The following IMMP2L variants were observed in gnomAD, a reference collection of about 807,000 sequenced individuals.
IMMP2L encodes inner mitochondrial membrane peptidase subunit 2, also known as mitochondrial inner membrane protease subunit 2.
A neutral mutation model predicts 19.3 loss-of-function variants in IMMP2L; 18 were observed. That is an observed-to-expected ratio of 0.93 (90% CI 0.64 to 1.38). The LOEUF (loss-of-function observed/expected upper bound fraction) is 1.38. Among genes scored for constraint, IMMP2L ranks in the 40% most tolerant of loss-of-function variants. The pLI is 0.00. For synonymous variants in IMMP2L, 76 were observed against 73.0 expected (o/e 1.04, Z -0.21); for missense variants, 233 against 218.2 (o/e 1.07, Z -0.43).
intron 5 of IMMP2L, among the ~76,000 whole-genome samples, chr7:110,852,106 A>T (rs916933406): frequency 1.3e-5 from 2 of 152,128 alleles, no homozygotes; most frequent in East Asian, 3.9e-4. Context: ...TTTGGTGAGG[A>T]AACTATTATA....
chr7:111,008,712 C>A (rs1402513342), intron 3 of IMMP2L, among the ~76,000 whole-genome samples: 2 of 151,894 alleles, frequency 1.3e-5, no homozygotes, highest in Admixed American at 1.3e-4. Flanking sequence ...ACTGCTGTAT[C>A]CTCAGTGCCT....
chr7:111,139,206 G>GA (rs149787146), intron 3 of IMMP2L, among the ~76,000 whole-genome samples: 3,224 of 152,070 alleles, frequency 0.021, 93 homozygotes, highest in African/African-American at 0.07. Flanking sequence ...GCTAACAAAA[G>GA]ATCTAAATTA....
intron 4 of IMMP2L, among the ~76,000 whole-genome samples, chr7:110,930,730 G>A (rs1372244468): frequency 6.6e-6 from 1 of 152,102 alleles, no homozygotes; most frequent in Non-Finnish European, 1.5e-5. Flanking sequence ...AACCATACTG[G>A]AGTTATCATA....
chr7:111,240,436 G>C (rs139409513), intron 3 of IMMP2L, among the ~76,000 whole-genome samples: 50 of 152,070 alleles, frequency 3.3e-4, no homozygotes, highest in Non-Finnish European at 6.0e-4. Context: ...AATTTTTAAA[G>C]GAAGAACAGA....
At chr7:111,207,177 A>G (rs1259392271) in intron 3 of IMMP2L, among the ~76,000 whole-genome samples, 1 of 152,184 alleles carries the variant, frequency 6.6e-6, no homozygotes, top group Non-Finnish European at 1.5e-5. Context: ...TTATCAATAG[A>G]ATATACCTTG....
intron 3 of IMMP2L, among the ~76,000 whole-genome samples, chr7:111,022,623 T>C (rs1321378167): frequency 6.6e-6 from 1 of 152,092 alleles, no homozygotes; most frequent in Non-Finnish European, 1.5e-5. Flanking sequence ...AATGTTGGAA[T>C]AAAAACAAAA....
Position 111,426,482 on chromosome 7 carries a change from G to C in IMMP2L, c.239+60756C>G, listed in dbSNP as rs1036780500. ...ATTCTCTAAAGTCTTGAAATCCCAA[G>C]AGTGCATACTCAGGGATTAGAAAGG... On this transcript the variant is annotated intron_variant, in intron 3 of 5. Transcript: ENST00000405709. Among the ~76,000 whole-genome samples the C allele has an allele frequency of 2.6e-5, 4 of 151,058 alleles. No homozygotes were observed. In the East Asian group the frequency reaches 7.7e-4, roughly 29 times the overall value.
At chr7:111,501,105 A>G (rs1337943214) in intron 2 of IMMP2L, among the ~76,000 whole-genome samples, 1 of 151,908 alleles carries the variant, frequency 6.6e-6, no homozygotes, top group African/African-American at 2.4e-5. Context: ...TACCTAGAAT[A>G]ACCAATGCAG....
chr7:110,864,839 A>G (rs1807820519), intron 5 of IMMP2L, among the ~76,000 whole-genome samples: 1 of 152,042 alleles, frequency 6.6e-6, no homozygotes, highest in Admixed American at 6.6e-5. Flanking sequence ...GGATTCCAAA[A>G]ACTATGATAA....
At chr7:111,380,747 T>G (rs905836665) in intron 3 of IMMP2L, among the ~76,000 whole-genome samples, 2 of 152,004 alleles carry the variant, frequency 1.3e-5, no homozygotes, top group Non-Finnish European at 2.9e-5. Flanking sequence ...GCACTAAAAC[T>G]AGTCTAAAAT....
intron 3 of IMMP2L, among the ~76,000 whole-genome samples, chr7:111,062,098 G>C (rs1404458887): frequency 6.6e-6 from 1 of 151,958 alleles, no homozygotes; most frequent in Non-Finnish European, 1.5e-5. Context: ...CTTCTATTTT[G>C]TACATGTGTA....
chr7:111,259,273 G>A (rs1441827918), intron 3 of IMMP2L, among the ~76,000 whole-genome samples: 1 of 152,026 alleles, frequency 6.6e-6, no homozygotes, highest in Non-Finnish European at 1.5e-5. Flanking sequence ...GGACTTTACT[G>A]CACTACTGTT....
chr7:110,819,215 G>T (rs1344209969), intron 5 of IMMP2L, among the ~76,000 whole-genome samples: 9 of 151,934 alleles, frequency 5.9e-5, no homozygotes, highest in Admixed American at 5.9e-4. Context: ...AACTTAACTT[G>T]GGTGGAACCT....
At chr7:110,741,645 AC>A (rs1562949433) in intron 5 of IMMP2L, among the ~76,000 whole-genome samples, 1 of 152,206 alleles carries the variant, frequency 6.6e-6, no homozygotes, top group Non-Finnish European at 1.5e-5. Context: ...TTTATGAATT[AC>A]CTAGTATAAG....
intron 3 of IMMP2L, among the ~76,000 whole-genome samples, chr7:111,220,975 T>C (rs920026203): frequency 6.6e-6 from 1 of 152,086 alleles, no homozygotes; most frequent in African/African-American, 2.4e-5. Context: ...GAAAGGGCCA[T>C]TTGCTTACTG....
intron 4 of IMMP2L, among the ~76,000 whole-genome samples, chr7:110,892,796 G>C (rs1028478087): frequency 6.6e-6 from 1 of 151,998 alleles, no homozygotes; most frequent in Non-Finnish European, 1.5e-5. Flanking sequence ...AATAGAATTC[G>C]GCAATCTTAA....
chr7:111,325,896 A>G (rs1299468246), intron 3 of IMMP2L, among the ~76,000 whole-genome samples: 2 of 151,752 alleles, frequency 1.3e-5, no homozygotes, highest in Admixed American at 1.3e-4. Flanking sequence ...ACCCCTCATG[A>G]AATTTTACTG....
At position 111,030,918 on chromosome 7, in the gene IMMP2L, ATATATAT is replaced by A. The variant is rs1563176469; in HGVS notation, c.240-67360_240-67354del. Among the ~76,000 whole-genome samples, 374 of 91,740 alleles carry A rather than the reference ATATATAT, an allele frequency of 4.1e-3. 2 individuals are homozygous for A. Among genetic ancestry groups the A allele is most frequent in the African/African-American group, 0.014 (340 of 24,164 alleles). The allele number at this position is 91,740 out of a possible 152,430, so 60.2% of individuals were successfully genotyped here. ...TATATATATATATATATATATATAT[ATATATAT>A]AAAATATATATACACGAGAATTAGA... On this transcript the variant is annotated intron_variant, in intron 3 of 5. Coordinates refer to ENST00000405709, the MANE Select transcript of IMMP2L (RefSeq NM_032549.4).
intron 1 of IMMP2L, among the ~76,000 whole-genome samples, chr7:111,526,816 A>G (rs1294095925): frequency 6.6e-6 from 1 of 152,152 alleles, no homozygotes; most frequent in Non-Finnish European, 1.5e-5. Flanking sequence ...CCCTGCATGC[A>G]TGGACCTTCA....
Sources: allele counts gnomAD v4.1 joint callset (sites outside exome capture counted in the v4.1 genomes callset), GRCh38; gene constraint gnomAD v4.1.1; transcripts MANE v1.5; gene names NCBI Gene and HGNC (gene_info 2026-07-23, HGNC 2026-07-21).